The following MON1B variants were observed in gnomAD, a reference collection of about 807,000 sequenced individuals.
The protein encoded by MON1B is MON1 vesicular trafficking associated B.
MON1B carries 26 observed loss-of-function variants against 45.1 expected under a neutral mutation model. That is an observed-to-expected ratio of 0.58 (90% CI 0.42 to 0.80). MON1B has a LOEUF of 0.80. Among genes scored for constraint, MON1B ranks in the 30% least tolerant of loss-of-function variants. MON1B has a pLI of 0.00. For synonymous variants in MON1B, 395 were observed against 320.2 expected (o/e 1.23, Z -2.49); for missense variants, 737 against 754.5 (o/e 0.98, Z 0.27).
intron 5 of MON1B, among the ~76,000 whole-genome samples, chr16:77,196,016 A>G (rs1210100372): frequency 6.6e-6 from 1 of 151,958 alleles, no homozygotes; most frequent in Non-Finnish European, 1.5e-5. Flanking sequence ...GTTTGGAGGC[A>G]CCCCATTCAT....
rs2054743067 is a variant in MON1B, at chr16:77,201,538, C to T, written c.*3230C>T. The T allele has an allele frequency of 6.6e-6, 1 of 152,136 alleles. No homozygotes were observed. Among genetic ancestry groups the T allele is most frequent in the Non-Finnish European group, 1.5e-5 (1 of 68,008 alleles). 9.4% of individuals were successfully genotyped at this position (152,136 alleles called of 1,614,324 possible). ...GAGCTGACTCAAAGTAAAGGCTTTGCTAGAGGCAGTCGGCAGAGTATTTTT... is the reference window on the plus strand; with the variant it reads ...GAGCTGACTCAAAGTAAAGGCTTTGTTAGAGGCAGTCGGCAGAGTATTTTT... On this transcript the variant is annotated 3_prime_UTR_variant, in exon 6 of 6. Transcript: ENST00000248248.
At position 77,194,792 on chromosome 16, in the gene MON1B, G is replaced by A. The variant is rs1334755252; in HGVS notation, c.933G>A (p.Val311=). 17 of 1,613,662 alleles carry A rather than the reference G, an allele frequency of 1.1e-5. No homozygotes were observed. The highest frequency in any genetic ancestry group is 1.4e-5 in the Non-Finnish European group (17 of 1,180,012). The part of the protein sequence containing the change: ...PADLQLLLDW[V]GAPAFAAGEA... ...ACCTGCAGTTGCTGCTCGACTGGGT[G>A]GGTGCACCAGCCTTTGCGGCGGGTG... is the stretch of plus-strand genomic sequence containing the variant. Residue 311 remains valine (V), a synonymous_variant, in exon 4 of 6, where the codon GTG becomes GTA. Transcript: ENST00000248248. The surrounding 1 kb of genome is among the most constrained non-coding windows in gnomAD (Gnocchi z 8.1).
chr16:77,191,751 A>C lies in MON1B; in HGVS notation c.148+118A>C, dbSNP rs528443327. 117 of 1,211,196 alleles carry C rather than the reference A, an allele frequency of 9.7e-5. No individual in the cohort carries two copies. In the African/African-American group the frequency reaches 1.6e-3, roughly 17 times the overall value. The allele number at this position is 1,211,196 out of a possible 1,614,324, so 75.0% of individuals were successfully genotyped here. A position where few individuals can be genotyped will look rare whatever the true frequency, so the allele number is the denominator to read the frequency against. On this transcript the variant is annotated intron_variant, in intron 2 of 5. Coordinates refer to ENST00000248248, the MANE Select transcript of MON1B (RefSeq NM_014940.4). ...TTGGGACTTAAGAGAAGTGGCTTAAACCATCGCCGGGTCAGGAGGAGGTCA... is the reference window on the plus strand; with the variant it reads ...TTGGGACTTAAGAGAAGTGGCTTAACCCATCGCCGGGTCAGGAGGAGGTCA...
Position 77,193,846 on chromosome 16 carries a change from T to C in MON1B, c.475+69T>C, listed in dbSNP as rs1213141845. The stretch of plus-strand genomic sequence containing the variant: ...AATATGGCTGGCACGGGTAGGTCTG[T>C]CTGCCTCAGGCACTATCCAGCCAGC... On this transcript the variant is annotated intron_variant, in intron 3 of 5. Coordinates refer to ENST00000248248, the MANE Select transcript of MON1B (RefSeq NM_014940.4). This position sits in a 1 kb window ranked among gnomAD's most constrained non-coding sequence, Gnocchi z 5.0. 22 of 1,488,282 alleles carry C rather than the reference T, an allele frequency of 1.5e-5. No individual in the cohort carries two copies. Among genetic ancestry groups the C allele is most frequent in the Non-Finnish European group, 1.9e-5 (21 of 1,101,206 alleles). 92.2% of individuals were successfully genotyped at this position (1,488,282 alleles called of 1,614,324 possible).
Position 77,198,196 on chromosome 16 carries a change from G to A in MON1B, c.1532G>A (p.Trp511Ter), listed in dbSNP as rs759747177. The A allele has an allele frequency of 1.2e-6, 2 of 1,614,014 alleles. No homozygotes were observed. Among genetic ancestry groups the A allele is most frequent in the East Asian group, 2.2e-5 (1 of 44,876 alleles). Residue 511 changes from tryptophan to a stop codon, truncating the protein, a stop_gained, in exon 6 of 6, where the codon TGG becomes TAG. Coordinates refer to ENST00000248248, the MANE Select transcript of MON1B (RefSeq NM_014940.4). LOFTEE classifies it high-confidence loss of function. ...TTGGTAGTGACCAAACTCCTGCGCT[G>A]GGTGAAGAAAGAGGAGGACCGGCTC... Reference protein sequence around the residue: ...AILVVTKLLRWVKKEEDRLFI... With the variant: ...AILVVTKLLR
rs764404217 is a variant in MON1B at position 77,194,307 on chromosome 16, C to A, written c.476-28C>A. 3 of 1,577,974 alleles carry A rather than the reference C, an allele frequency of 1.9e-6. No individual in the cohort carries two copies. The East Asian group carries it at 6.7e-5, about 35-fold the overall frequency. ...CTGGTCATTCCTGATCCAGCTGTAC[C>A]CCCCCTTCTTACCCCTTCCTTCCCT... On this transcript the variant is annotated intron_variant, in intron 3 of 5. Transcript: ENST00000248248. The surrounding 1 kb of genome is among the most constrained non-coding windows in gnomAD (Gnocchi z 8.1).
chr16:77,195,732 T>C, intron 5 of MON1B, 50 bp downstream of exon 5: 1 of 1,601,350 alleles, frequency 6.2e-7, no homozygotes, highest in Non-Finnish European at 8.5e-7. Flanking sequence ...TCAAGCCTCC[T>C]TTCCCTATAT....
Position 77,194,725 on chromosome 16 carries a change from A to C in MON1B, c.866A>C (p.Gln289Pro). 1.2e-6 allele frequency: 2 copies of C among 1,613,838 alleles called. No individual in the cohort carries two copies. Among genetic ancestry groups the C allele is most frequent in the Non-Finnish European group, 8.5e-7 (1 of 1,179,836 alleles). ...AVGGRLITAA[Q>P]ERNVLAECRL... ...GGCGGTCGACTTATAACAGCAGCCC[A>C]GGAGCGAAATGTGCTGGCCGAGTGC... The change falls in exon 4 of 6, where the codon CAG becomes CCG. Residue 289 changes from glutamine (Q) to proline (P), a missense_variant. Coordinates refer to ENST00000248248, the MANE Select transcript of MON1B (RefSeq NM_014940.4). The surrounding 1 kb of genome is among the most constrained non-coding windows in gnomAD (Gnocchi z 8.1).
intron 4 of MON1B, 125 bp downstream of exon 4, chr16:77,195,279 G>A (rs532760018): frequency 9.1e-7 from 1 of 1,095,446 alleles, no homozygotes; most frequent in Non-Finnish European, 1.3e-6. Context: ...AAGAGAACAA[G>A]TCTCTGTCTG....
Position 77,194,484 on chromosome 16 carries a change from A to G in MON1B, c.625A>G (p.Ile209Val), listed in dbSNP as rs2054644037. The G allele has an allele frequency of 6.2e-7, 1 of 1,614,060 alleles. No individual in the cohort carries two copies. Among genetic ancestry groups the G allele is most frequent in the African/African-American group, 1.3e-5 (1 of 75,038 alleles). Reference sequence around the variant, plus strand: ...ACTTACACGTGCAAGTGTCGCCCGCATCTTCGCACACAAGCAGAACTATGA... The same window carrying G: ...ACTTACACGTGCAAGTGTCGCCCGCGTCTTCGCACACAAGCAGAACTATGA... ...STLTRASVAR[I>V]FAHKQNYDLR... Residue 209 changes from isoleucine (I) to valine (V), a missense_variant, in exon 4 of 6, where the codon ATC (isoleucine) becomes GTC (valine). By Grantham distance (29) the Ile-to-Val change is conservative. Coordinates refer to ENST00000248248, the MANE Select transcript of MON1B (RefSeq NM_014940.4). The surrounding 1 kb of genome is among the most constrained non-coding windows in gnomAD (Gnocchi z 8.1).
chr16:77,198,628 G>T lies in MON1B; in HGVS notation c.*320G>T, dbSNP rs1324286033. On this transcript the variant is annotated 3_prime_UTR_variant, in exon 6 of 6. Transcript: ENST00000248248. ...CTGTCCCCTCCAAACTTGCTTCCGT[G>T]GTCTGCCTCCTAGTTGAATCTCAGC... 1 of 372,186 alleles carries T rather than the reference G, an allele frequency of 2.7e-6. No homozygotes were observed. Among genetic ancestry groups the T allele is most frequent in the Non-Finnish European group, 5.0e-6 (1 of 198,322 alleles). The allele number at this position is 372,186 out of a possible 1,614,324, so 23.1% of individuals were successfully genotyped here.
At position 77,198,249 on chromosome 16, in the gene MON1B, A is replaced by C. The variant is rs779621737; in HGVS notation, c.1585A>C (p.Thr529Pro). Residue 529 changes from threonine (T) to proline (P), a missense_variant, in exon 6 of 6, where the codon ACA (threonine) becomes CCA (proline). Thr to Pro is a conservative substitution (Grantham distance 38). Coordinates refer to ENST00000248248, the MANE Select transcript of MON1B (RefSeq NM_014940.4). ...CATTCGTTACCCACCCAAGTACTCC[A>C]CACCACCAGCCACCTCTACGGACCA... ...LFIRYPPKYS[T>P]PPATSTDQAA... 1.9e-6 allele frequency: 3 copies of C among 1,614,084 alleles called. No homozygotes were observed. In the South Asian group the frequency reaches 3.3e-5, roughly 18 times the overall value.
chr16:77,195,273 G>C (rs1235035813), intron 4 of MON1B, 119 bp downstream of exon 4: 5 of 1,128,686 alleles, frequency 4.4e-6, no homozygotes, highest in African/African-American at 1.6e-5. Flanking sequence ...AGAGGGAAGA[G>C]AACAAGTCTC....
rs1052385001 is a variant in MON1B, at chr16:77,201,404, G to A, written c.*3096G>A. The A allele has an allele frequency of 1.3e-5, 2 of 152,222 alleles. No homozygotes were observed. Among genetic ancestry groups the A allele is most frequent in the African/African-American group, 4.8e-5 (2 of 41,456 alleles). 9.4% of individuals were successfully genotyped at this position (152,222 alleles called of 1,614,324 possible). A position where few individuals can be genotyped will look rare whatever the true frequency, so the allele number is the denominator to read the frequency against. On this transcript the variant is annotated 3_prime_UTR_variant, in exon 6 of 6. Coordinates refer to ENST00000248248, the MANE Select transcript of MON1B (RefSeq NM_014940.4). The stretch of plus-strand genomic sequence containing the variant: ...ACCAGCAAAGGAAAAATTGAAGGAT[G>A]TATCAAGTTGCCATTTCTAGCCCAT...
In MON1B at chr16:77,194,982, C is replaced by G; in HGVS notation, c.1123C>G (p.His375Asp). ...CCGGCGCCTGGTTGAAGATGGGATGCATGCCCTTGGTGCCATGCGTGCCCT... is the reference window on the plus strand; with the variant it reads ...CCGGCGCCTGGTTGAAGATGGGATGGATGCCCTTGGTGCCATGCGTGCCCT... ...ACRRLVEDGM[H>D]ALGAMRALGE... The change falls in exon 4 of 6, where the codon CAT (histidine) becomes GAT (aspartate). Residue 375 changes from histidine to aspartate, a missense_variant. Coordinates refer to ENST00000248248, the MANE Select transcript of MON1B (RefSeq NM_014940.4). This position sits in a 1 kb window ranked among gnomAD's most constrained non-coding sequence, Gnocchi z 8.1. The G allele has an allele frequency of 6.2e-7, 1 of 1,613,894 alleles. No individual in the cohort carries two copies. The highest frequency in any genetic ancestry group is 8.5e-7 in the Non-Finnish European group (1 of 1,180,006).
rs142047885 is a variant in MON1B at position 77,200,941 on chromosome 16, C to G, written c.*2633C>G. ...TGTCACCTTTCTGCCCCACTTTTAT[C>G]TATCTCGAACACCCCTTTCTGCACA... On this transcript the variant is annotated 3_prime_UTR_variant, in exon 6 of 6. Transcript: ENST00000248248. 2.2e-4 allele frequency: 34 copies of G among 152,268 alleles called. No homozygotes were observed. Among genetic ancestry groups the G allele is most frequent in the African/African-American group, 7.9e-4 (33 of 41,538 alleles). The allele number at this position is 152,268 out of a possible 1,614,324, so 9.4% of individuals were successfully genotyped here.
Position 77,198,354 on chromosome 16 carries a change from G to A in MON1B, c.*46G>A. 1.3e-6 allele frequency: 2 copies of A among 1,566,222 alleles called. No homozygotes were observed. The highest frequency in any genetic ancestry group is 1.8e-6 in the Non-Finnish European group (2 of 1,136,882). On this transcript the variant is annotated 3_prime_UTR_variant, in exon 6 of 6. Transcript: ENST00000248248. ...GGCAGTGCTGGGAGCAACCACCTTT[G>A]TTTTTTACCTTCTGTCTACCCTGGA...
chr16:77,191,691 C>G, intron 2 of MON1B, 58 bp downstream of exon 2: 3 of 1,554,276 alleles, frequency 1.9e-6, no homozygotes, highest in Non-Finnish European at 2.6e-6. Context: ...CATTGTTGGA[C>G]GGGGGAAGGG....
At chr16:77,191,358 C>G in intron 1 of MON1B, 100 bp downstream of exon 1, 1 of 1,571,082 alleles carries the variant, frequency 6.4e-7, no homozygotes. Context: ...GATGTCTCGT[C>G]CTATTGAAAT....
Sources: gnomAD v4.1 joint callset for allele counts (sites outside exome capture counted in the v4.1 genomes callset) on GRCh38, gnomAD v4.1.1 for gene constraint, Gnocchi (gnomAD v3.1) non-coding constraint, MANE v1.5 for transcripts, NCBI Gene and HGNC (gene_info 2026-07-23, HGNC 2026-07-21) for gene names.